G3BP2: variants seen among roughly 807,000 people sequenced by gnomAD.
G3BP2 encodes the protein G3BP stress granule assembly factor 2.
Under a neutral mutation model 56.7 loss-of-function variants are expected in G3BP2, and 11 were observed. That is an observed-to-expected ratio of 0.19 (90% CI 0.12 to 0.32). The LOEUF (loss-of-function observed/expected upper bound fraction) is 0.32, where lower values mean the gene tolerates loss of function less well. Among genes scored for constraint, G3BP2 ranks in the 10% least tolerant of loss-of-function variants. The pLI, the probability that G3BP2 is intolerant of heterozygous loss-of-function variation, is 1.00. For synonymous variants in G3BP2, 165 were observed against 191.6 expected, an observed-to-expected ratio of 0.86 and a Z score of 1.15; for missense variants, 340 against 610.9, an observed-to-expected ratio of 0.56 and a Z score of 4.67.
intron 1 of G3BP2, among the ~76,000 whole-genome samples, chr4:75,669,536 A>T (rs760205655): frequency 1.3e-5 from 2 of 152,210 alleles, no homozygotes; most frequent in Non-Finnish European, 2.9e-5. Flanking sequence ...TCAGTTTGGC[A>T]TCTAAGGCCC....
In G3BP2 at chr4:75,647,167, G is replaced by A; in HGVS notation, c.929-10C>T. 2 of 1,553,896 alleles carry A rather than the reference G, an allele frequency of 1.3e-6. No homozygotes were observed. The highest frequency in any genetic ancestry group is 2.4e-5 in the South Asian group (2 of 84,358). ...TCCATATCTCCTCTGCCTGAGAATA[G>A]AAATAGAGCAGATACTAAAGTTTAC... is the stretch of plus-strand genomic sequence containing the variant. On this transcript the variant is annotated splice_polypyrimidine_tract_variant and intron_variant, in intron 9 of 11. Coordinates refer to ENST00000359707, the MANE Select transcript of G3BP2 (RefSeq NM_203505.3).
At chr4:75,673,484 A>G, upstream of G3BP2, 1 of 1,231,920 alleles carries the variant, frequency 8.1e-7, no homozygotes. Context: ...CCCCGAGCAC[A>G]GCGTCAGCCA....
intron 3 of G3BP2, among the ~76,000 whole-genome samples, chr4:75,697,672 G>A (rs912131768): frequency 1.3e-5 from 2 of 152,122 alleles, no homozygotes; most frequent in African/African-American, 2.4e-5. Flanking sequence ...AGTGTCTCAC[G>A]CCTGTAATCC....
At chr4:75,675,261 T>C (rs976997290), upstream of G3BP2, among the ~76,000 whole-genome samples, 4 of 152,228 alleles carry the variant, frequency 2.6e-5, no homozygotes, top group Non-Finnish European at 5.9e-5. Context: ...TTTGGAGCTC[T>C]TCCGTGCAAT....
At chr4:75,670,992 C>T (rs1170758578) in intron 1 of G3BP2, among the ~76,000 whole-genome samples, 1 of 152,106 alleles carries the variant, frequency 6.6e-6, no homozygotes, top group East Asian at 1.9e-4. Context: ...TTTCAATATA[C>T]CTATGGTTTC....
chr4:75,702,221 G>C (rs1719376214), intron 3 of G3BP2, among the ~76,000 whole-genome samples: 1 of 133,778 alleles, frequency 7.5e-6, no homozygotes, highest in South Asian at 2.3e-4. Context: ...TGTTGCCCAG[G>C]CTGGAATGCA....
chr4:75,654,887 T>C (rs1578387711), intron 7 of G3BP2, 179 bp downstream of exon 7: 1 of 579,952 alleles, frequency 1.7e-6, no homozygotes, highest in Non-Finnish European at 3.0e-6. Context: ...TAGAGGGGTA[T>C]TTTGCGGGGC....
chr4:75,672,898 TCC>T, intron 1 of G3BP2: 2 of 571,790 alleles, frequency 3.5e-6, no homozygotes, highest in Non-Finnish European at 4.4e-6. Context: ...GCTGCGTGCC[TCC>T]CCCCCCACTT....
chr4:75,675,798 AAAAC>A (rs1733854273), upstream of G3BP2, among the ~76,000 whole-genome samples: 1 of 152,226 alleles, frequency 6.6e-6, no homozygotes. Context: ...CGTCTCAAAA[AAAAC>A]AAACACCACT....
rs912149200 is a variant in G3BP2, at chr4:75,644,350, T to C, written c.*1080A>G. 1.3e-5 allele frequency: 2 copies of C among 152,458 alleles called. No homozygotes were observed. Among genetic ancestry groups the C allele is most frequent in the African/African-American group, 4.8e-5 (2 of 41,400 alleles). 9.4% of individuals were successfully genotyped at this position (152,458 alleles called of 1,614,324 possible). The stretch of plus-strand genomic sequence containing the variant: ...CCTCCCTCCCACAGAGAACACAAAG[T>C]TGTTAACTGAAGAACAAGATAAATA... On this transcript the variant is annotated 3_prime_UTR_variant, in exon 12 of 12. Coordinates refer to ENST00000359707, the MANE Select transcript of G3BP2 (RefSeq NM_203505.3).
At chr4:75,674,716 A>ATTTT (rs1379462396), upstream of G3BP2, among the ~76,000 whole-genome samples, 5 of 53,082 alleles carry the variant, frequency 9.4e-5, no homozygotes, top group African/African-American at 3.3e-4. Context: ...ATATATATAT[A>ATTTT]TATTTTTTTT....
At chr4:75,647,186 A>C in intron 9 of G3BP2, 29 bp from the exon 10 acceptor site, 1 of 1,456,584 alleles carries the variant, frequency 6.9e-7, no homozygotes, top group Non-Finnish European at 9.4e-7. Flanking sequence ...CAGATACTAA[A>C]GTTTACAATA....
At chr4:75,654,932 A>G (rs1347002054) in intron 7 of G3BP2, 134 bp downstream of exon 7, 2 of 648,726 alleles carry the variant, frequency 3.1e-6, no homozygotes, top group Admixed American at 6.8e-5. Flanking sequence ...GTAACAAACA[A>G]ACCCCACAGC....
chr4:75,697,302 G>GAAAAAAAAAAAAAAAAA (rs1719939935), intron 3 of G3BP2, among the ~76,000 whole-genome samples: 1 of 53,362 alleles, frequency 1.9e-5, no homozygotes, highest in African/African-American at 9.2e-5. Context: ...AAAAAAAAAA[G>GAAAAAAAAAAAAAAAAA]ATCATGAAAT....
chr4:75,658,935 A>G lies in G3BP2; in HGVS notation c.96-11T>C, dbSNP rs1045640063. ...TTCCTGCCATAAAACCTGCAAAACC[A>G]TAATTAATGATTAACACTGAATTGT... On this transcript the variant is annotated splice_polypyrimidine_tract_variant and intron_variant, in intron 2 of 11. Coordinates refer to ENST00000359707, the MANE Select transcript of G3BP2 (RefSeq NM_203505.3). 6.4e-7 allele frequency: 1 copy of G among 1,569,484 alleles called. No individual in the cohort carries two copies. The highest frequency in any genetic ancestry group is 2.2e-5 in the East Asian group (1 of 44,686).
At chr4:75,684,118 TA>T (rs1560412381) in intron 3 of G3BP2, among the ~76,000 whole-genome samples, 1 of 152,062 alleles carries the variant, frequency 6.6e-6, no homozygotes, top group East Asian at 1.9e-4. Context: ...TTAAAAATCA[TA>T]AATAGGCCGG....
intron 3 of G3BP2, among the ~76,000 whole-genome samples, chr4:75,699,549 T>A (rs951472025): frequency 6.6e-6 from 1 of 152,230 alleles, no homozygotes; most frequent in Non-Finnish European, 1.5e-5. Flanking sequence ...CTTACTCACA[T>A]GTAAACTGTA....
Position 75,716,602 on chromosome 4 carries a change from G to A in G3BP2, c.-25+4275C>T, listed in dbSNP as rs534882963. On this transcript the variant is annotated intron_variant, in intron 3 of 3. Coordinates refer to the G3BP2 transcript ENST00000499709. ...GCGATCTCGGCTCACCGCAACCTCC[G>A]CCTCCCAGGTTCAAGCGATTCTCCT... Among the ~76,000 whole-genome samples the A allele has an allele frequency of 1.1e-4, 16 of 152,092 alleles. No homozygotes were observed. In the South Asian group the frequency reaches 1.2e-3, roughly 12 times the overall value.
chr4:75,655,702 T>C (rs1271478222), intron 6 of G3BP2, 66 bp downstream of exon 6: 1 of 815,954 alleles, frequency 1.2e-6, no homozygotes, highest in Non-Finnish European at 2.1e-6. Context: ...ACAATAATTC[T>C]AGGAACAGAA....
Sources: allele counts gnomAD v4.1 joint callset (sites outside exome capture counted in the v4.1 genomes callset), GRCh38; gene constraint gnomAD v4.1.1; transcripts MANE v1.5; gene names NCBI Gene and HGNC (gene_info 2026-07-23, HGNC 2026-07-21).